The following MAF variants were observed in gnomAD, a reference collection of about 807,000 sequenced individuals.
MAF encodes MAF bZIP transcription factor, also known as transcription factor Maf.
MAF carries 10 observed loss-of-function variants against 22.0 expected under a neutral mutation model. The observed-to-expected ratio is 0.45, with a 90% CI of 0.28 to 0.77. The LOEUF (loss-of-function observed/expected upper bound fraction) is 0.77, where lower values mean the gene tolerates loss of function less well. MAF is among the 30% of genes least tolerant of loss of function. The pLI is 0.12. For synonymous variants in MAF, 337 were observed against 255.8 expected (o/e 1.32, Z -3.03); for missense variants, 544 against 548.4 (o/e 0.99, Z 0.08).
chr16:79,321,017 G>T, the MAF span, among the ~76,000 whole-genome samples: 1 of 152,210 alleles, frequency 6.6e-6, no homozygotes, highest in Non-Finnish European at 1.5e-5. Context: ...GACTAACTGA[G>T]GAGTCTGATC....
the MAF span, among the ~76,000 whole-genome samples, chr16:79,229,787 A>G: frequency 6.6e-6 from 1 of 152,050 alleles, no homozygotes; most frequent in African/African-American, 2.4e-5. Context: ...TTCGAAGTGA[A>G]AGATGCGGAG....
At chr16:79,315,085 TATTATTC>T in the MAF span, among the ~76,000 whole-genome samples, 1 of 152,256 alleles carries the variant, frequency 6.6e-6, no homozygotes, top group African/African-American at 2.4e-5. Flanking sequence ...ATTCATTTAT[TATTATTC>T]ATTATTTCAT....
At chr16:79,437,142 CTCTCTGTGTGTG>C in the MAF span, among the ~76,000 whole-genome samples, 15 of 39,302 alleles carry the variant, frequency 3.8e-4, no homozygotes, top group Admixed American at 1.3e-3. Flanking sequence ...AGCTCTCTCT[CTCTCTGTGTGTG>C]TGTGTGTGTG....
At chr16:79,320,112 G>A in the MAF span, among the ~76,000 whole-genome samples, 1 of 152,166 alleles carries the variant, frequency 6.6e-6, no homozygotes, top group Admixed American at 6.5e-5. Context: ...GTACAAAGTG[G>A]AGTATCAGGG....
chr16:79,213,739 G>C, the MAF span, among the ~76,000 whole-genome samples: 11 of 152,212 alleles, frequency 7.2e-5, no homozygotes, highest in Admixed American at 3.3e-4. Context: ...TCCAGCCCCA[G>C]CTGTGCCAAT....
chr16:79,556,011 GTTAGT>G, the MAF span, among the ~76,000 whole-genome samples: 107 of 151,874 alleles, frequency 7.0e-4, no homozygotes, highest in African/African-American at 1.5e-3. Flanking sequence ...AGTTTGTTTT[GTTAGT>G]TTAGTTTAGT....
At chr16:79,212,102 TTC>T in the MAF span, 9 of 1,535,672 alleles carry the variant, frequency 5.9e-6, no homozygotes, top group Non-Finnish European at 7.8e-6. Flanking sequence ...GCACCAGCAA[TTC>T]TCTTTCTTTT....
chr16:79,378,403 A>G, the MAF span, among the ~76,000 whole-genome samples: 3 of 152,350 alleles, frequency 2.0e-5, no homozygotes, highest in East Asian at 5.8e-4. Context: ...TATTATAAAA[A>G]TTAAAACCAA....
At chr16:79,463,700 T>C in the MAF span, among the ~76,000 whole-genome samples, 34 of 152,232 alleles carry the variant, frequency 2.2e-4, no homozygotes, top group African/African-American at 7.9e-4. Flanking sequence ...GACGTGTAAA[T>C]AGGTAAATTT....
At chr16:79,360,106 G>C in the MAF span, among the ~76,000 whole-genome samples, 12 of 152,106 alleles carry the variant, frequency 7.9e-5, no homozygotes, top group Admixed American at 2.6e-4. Flanking sequence ...GGAACACAGG[G>C]AGCTGTCCAT....
chr16:79,583,608 C>G (rs149050818), downstream of MAF, among the ~76,000 whole-genome samples: 1 of 152,202 alleles, frequency 6.6e-6, no homozygotes, highest in African/African-American at 2.4e-5. Flanking sequence ...TCCATCCCCA[C>G]GTTCTGATCG....
At chr16:79,566,313 G>A in the MAF span, among the ~76,000 whole-genome samples, 826 of 152,296 alleles carry the variant, frequency 5.4e-3, 2 homozygotes, top group Non-Finnish European at 9.4e-3. Context: ...ATTAATCTTA[G>A]GGTCTTACAA....
chr16:79,510,753 G>T, the MAF span, among the ~76,000 whole-genome samples: 3 of 152,128 alleles, frequency 2.0e-5, no homozygotes, highest in Non-Finnish European at 2.9e-5. Context: ...AATAATTTTT[G>T]AACAAGAAGC....
the MAF span, among the ~76,000 whole-genome samples, chr16:79,514,550 C>T: frequency 6.6e-6 from 1 of 152,086 alleles, no homozygotes; most frequent in African/African-American, 2.4e-5. Flanking sequence ...TAAGCATTTC[C>T]CTGCATGGTA....
At chr16:79,325,991 C>G in the MAF span, among the ~76,000 whole-genome samples, 2 of 152,204 alleles carry the variant, frequency 1.3e-5, no homozygotes, top group Non-Finnish European at 2.9e-5. Context: ...AAGGTTTAAC[C>G]TGCAAGATCT....
the MAF span, among the ~76,000 whole-genome samples, chr16:79,461,276 C>T: frequency 6.6e-6 from 1 of 152,166 alleles, no homozygotes; most frequent in Non-Finnish European, 1.5e-5. Context: ...ATACAAACAG[C>T]CTCCAAATTT....
the MAF span, among the ~76,000 whole-genome samples, chr16:79,289,464 C>A: frequency 6.6e-6 from 1 of 152,086 alleles, no homozygotes; most frequent in African/African-American, 2.4e-5. Context: ...TGAGAGAAGG[C>A]AGAGGAAGCA....
At chr16:79,501,709 T>G in the MAF span, among the ~76,000 whole-genome samples, 1 of 152,204 alleles carries the variant, frequency 6.6e-6, no homozygotes, top group African/African-American at 2.4e-5. Context: ...TTATTTCACT[T>G]TGATTTACAC....
At chr16:79,217,652 G>C in the MAF span, among the ~76,000 whole-genome samples, 1 of 152,134 alleles carries the variant, frequency 6.6e-6, no homozygotes, top group Non-Finnish European at 1.5e-5. Flanking sequence ...GAGTAGGCCA[G>C]TTTCTCTGCA....
Sources: allele counts gnomAD v4.1 joint callset (sites outside exome capture counted in the v4.1 genomes callset), GRCh38; gene constraint gnomAD v4.1.1; transcripts MANE v1.5; gene names NCBI Gene and HGNC (gene_info 2026-07-23, HGNC 2026-07-21).